The following GRIK2 variants were observed in gnomAD, a reference collection of about 807,000 sequenced individuals.
The protein encoded by GRIK2 is glutamate receptor ionotropic, kainate 2.
GRIK2 carries 32 observed loss-of-function variants against 100.3 expected under a neutral mutation model. The ratio of observed to expected loss-of-function variants is 0.32; its 90% CI spans 0.24 to 0.43. The LOEUF (loss-of-function observed/expected upper bound fraction) is 0.43, where lower values mean the gene tolerates loss of function less well. Ranked by LOEUF, GRIK2 falls within the 20% of genes least tolerant of loss-of-function variation. The pLI is 1.00. For synonymous variants in GRIK2, 417 were observed against 389.4 expected, an observed-to-expected ratio of 1.07 and a Z score of -0.83; for missense variants, 843 against 1,114.9, an observed-to-expected ratio of 0.76 and a Z score of 3.47.
chr6:101,846,586 A>T (rs1443362826), intron 10 of GRIK2, among the ~76,000 whole-genome samples: 1 of 152,004 alleles, frequency 6.6e-6, no homozygotes, highest in African/African-American at 2.4e-5. Context: ...TTTGAGAAGG[A>T]TTGGTGTTGA....
chr6:101,780,738 G>A (rs1299803877), intron 7 of GRIK2, among the ~76,000 whole-genome samples: 1 of 152,126 alleles, frequency 6.6e-6, no homozygotes, highest in Non-Finnish European at 1.5e-5. Context: ...GAGTCAATAA[G>A]AGAGGATGAA....
intron 9 of GRIK2, among the ~76,000 whole-genome samples, chr6:101,804,286 C>T (rs1780851709): frequency 6.6e-6 from 1 of 151,872 alleles, no homozygotes; most frequent in Non-Finnish European, 1.5e-5. Flanking sequence ...CATACACATA[C>T]AAATAAAGCT....
intron 14 of GRIK2, among the ~76,000 whole-genome samples, chr6:101,983,399 C>G (rs1040602927): frequency 1.3e-5 from 2 of 151,796 alleles, no homozygotes; most frequent in African/African-American, 4.8e-5. Flanking sequence ...CAGAGTATTG[C>G]CACAATGTCT....
At position 101,580,430 on chromosome 6, in the gene GRIK2, T is replaced by C. The variant is rs186041938; in HGVS notation, c.116-41519T>C. On this transcript the variant is annotated intron_variant, in intron 2 of 16. Coordinates refer to ENST00000369134, the MANE Select transcript of GRIK2 (RefSeq NM_021956.5). Reference sequence around the variant, plus strand: ...ATCTGTCAGCTCTACCTTACAGTTATGTCCAGAATCTGACCATTTTTCACC... The same window carrying C: ...ATCTGTCAGCTCTACCTTACAGTTACGTCCAGAATCTGACCATTTTTCACC... Among the ~76,000 whole-genome samples, 21 of 152,324 alleles carry C rather than the reference T, an allele frequency of 1.4e-4. No homozygotes were observed. The East Asian group carries it at 4.1e-3, about 29-fold the overall frequency.
chr6:101,509,460 C>G (rs930843968), intron 2 of GRIK2, among the ~76,000 whole-genome samples: 3 of 152,268 alleles, frequency 2.0e-5, no homozygotes, highest in Non-Finnish European at 2.9e-5. Flanking sequence ...TTCAAGACAG[C>G]TCTCCAATTC....
chr6:101,954,945 T>A (rs1481293484), intron 14 of GRIK2, among the ~76,000 whole-genome samples: 1 of 152,134 alleles, frequency 6.6e-6, no homozygotes, highest in East Asian at 1.9e-4. Context: ...TTTTCCTGAG[T>A]TTACTGAGAT....
chr6:101,814,041 C>T (rs796092526), intron 9 of GRIK2, among the ~76,000 whole-genome samples: 41 of 151,670 alleles, frequency 2.7e-4, no homozygotes, highest in African/African-American at 8.0e-4. Context: ...AGATAATTTT[C>T]GTAGAGTAGA....
intron 2 of GRIK2, among the ~76,000 whole-genome samples, chr6:101,535,914 C>T (rs992885243): frequency 1.3e-5 from 2 of 151,626 alleles, no homozygotes; most frequent in African/African-American, 2.4e-5. Context: ...ATTAGCAAGC[C>T]ATGCTTCAGA....
intron 9 of GRIK2, among the ~76,000 whole-genome samples, chr6:101,808,926 A>T (rs1328660055): frequency 1.3e-5 from 2 of 151,720 alleles, no homozygotes; most frequent in Non-Finnish European, 2.9e-5. Context: ...TCTTAAAAAA[A>T]AATACAGAAA....
At chr6:101,889,271 T>C (rs943572171) in intron 11 of GRIK2, among the ~76,000 whole-genome samples, 12 of 152,022 alleles carry the variant, frequency 7.9e-5, no homozygotes, top group Non-Finnish European at 1.5e-4. Context: ...AAATAATTAA[T>C]ATTAAATAGA....
At position 101,811,392 on chromosome 6, in the gene GRIK2, G is replaced by T. The variant is rs1781316502; in HGVS notation, c.1204-6978G>T. On this transcript the variant is annotated intron_variant, in intron 9 of 16. Transcript: ENST00000369134. Reference sequence around the variant, plus strand: ...TTGTTGTCTAATGGAAAACTATATTGCTTCTTTTTCCATCTACCAACATCC... The same window carrying T: ...TTGTTGTCTAATGGAAAACTATATTTCTTCTTTTTCCATCTACCAACATCC... Among the ~76,000 whole-genome samples the T allele has an allele frequency of 2.6e-5, 4 of 151,976 alleles. No individual in the cohort carries two copies. The South Asian group carries it at 8.3e-4, about 32-fold the overall frequency.
chr6:102,050,610 G>A (rs993437629), intron 15 of GRIK2, among the ~76,000 whole-genome samples: 9 of 144,586 alleles, frequency 6.2e-5, no homozygotes, highest in African/African-American at 1.8e-4. Flanking sequence ...TGGCACCACT[G>A]CACTCCAGCG....
intron 2 of GRIK2, among the ~76,000 whole-genome samples, chr6:101,467,040 T>C (rs1771684711): frequency 6.6e-6 from 1 of 152,148 alleles, no homozygotes; most frequent in Non-Finnish European, 1.5e-5. Context: ...AAATGAAATG[T>C]CTATTCATTC....
chr6:101,991,447 G>T (rs991467820), intron 14 of GRIK2, among the ~76,000 whole-genome samples: 3 of 148,922 alleles, frequency 2.0e-5, no homozygotes, highest in Non-Finnish European at 3.0e-5. Flanking sequence ...TAATAATATT[G>T]AAAAATATGA....
intron 7 of GRIK2, among the ~76,000 whole-genome samples, chr6:101,766,257 A>G (rs1183754169): frequency 6.6e-6 from 1 of 152,046 alleles, no homozygotes; most frequent in Non-Finnish European, 1.5e-5. Context: ...CCTGAAAAAA[A>G]AAATTGTAAT....
intron 2 of GRIK2, among the ~76,000 whole-genome samples, chr6:101,596,239 T>C (rs926886085): frequency 6.6e-6 from 1 of 151,144 alleles, no homozygotes; most frequent in South Asian, 2.1e-4. Context: ...CTTTTTTTTT[T>C]TTCCTCTCAG....
rs535631826 is a variant in GRIK2 at position 101,677,640 on chromosome 6, A to T, written c.723+836A>T. 2.0e-5 allele frequency among the ~76,000 whole-genome samples: 3 copies of T among 152,238 alleles called. No homozygotes were observed. The East Asian group carries it at 5.8e-4, about 29-fold the overall frequency. On this transcript the variant is annotated intron_variant, in intron 5 of 16. Coordinates refer to ENST00000369134, the MANE Select transcript of GRIK2 (RefSeq NM_021956.5). ...TATGTAGTAGAGCCTGGATTTGAAC[A>T]CAAATTTTTGGATTTTGTTTCTTAA...
At chr6:101,723,433 ATAG>A (rs987117103) in intron 7 of GRIK2, among the ~76,000 whole-genome samples, 2 of 152,022 alleles carry the variant, frequency 1.3e-5, no homozygotes, top group African/African-American at 2.4e-5. Flanking sequence ...CTCAAAAATA[ATAG>A]TAGATTGCAA....
intron 15 of GRIK2, among the ~76,000 whole-genome samples, chr6:102,052,387 C>A (rs1450635625): frequency 2.0e-5 from 3 of 152,084 alleles, no homozygotes; most frequent in African/African-American, 7.2e-5. Context: ...AATCAAATAT[C>A]ATTTAAACAT....
Sources: gnomAD v4.1 joint callset for allele counts (sites outside exome capture counted in the v4.1 genomes callset) on GRCh38, gnomAD v4.1.1 for gene constraint, MANE v1.5 for transcripts, NCBI Gene and HGNC (gene_info 2026-07-23, HGNC 2026-07-21) for gene names.